MYO1D: variants seen among roughly 807,000 people sequenced by gnomAD.
MYO1D encodes unconventional myosin-Id.
Under a neutral mutation model 122.0 loss-of-function variants are expected in MYO1D, and 83 were observed. The observed-to-expected ratio is 0.68, with a 90% CI of 0.57 to 0.82. The LOEUF (loss-of-function observed/expected upper bound fraction) is 0.82, where lower values mean the gene tolerates loss of function less well. Among genes scored for constraint, MYO1D ranks in the 40% least tolerant of loss-of-function variants. The pLI, the probability that MYO1D is intolerant of heterozygous loss-of-function variation, is 0.00. For missense variants in MYO1D, 1,157 were observed against 1,269.5 expected (o/e 0.91, Z 1.35); for synonymous variants, 464 against 446.9 (o/e 1.04, Z -0.48).
intron 14 of MYO1D, among the ~76,000 whole-genome samples, chr17:32,731,689 A>G (rs1286996128): frequency 6.6e-6 from 1 of 152,248 alleles, no homozygotes; most frequent in Non-Finnish European, 1.5e-5. Flanking sequence ...AGCTGGCAGT[A>G]GCCAGGAACA....
chr17:32,521,657 A>G (rs1316255007), intron 21 of MYO1D, among the ~76,000 whole-genome samples: 1 of 152,210 alleles, frequency 6.6e-6, no homozygotes, highest in Non-Finnish European at 1.5e-5. Flanking sequence ...GATTAAATAA[A>G]TAAATCTCAG....
chr17:32,504,292 C>T (rs907464686), intron 21 of MYO1D, among the ~76,000 whole-genome samples: 1 of 152,214 alleles, frequency 6.6e-6, no homozygotes, highest in African/African-American at 2.4e-5. Context: ...GCCTGGGCTG[C>T]CCCTCCCCCA....
intron 15 of MYO1D, among the ~76,000 whole-genome samples, chr17:32,720,107 T>C (rs886661622): frequency 6.6e-6 from 1 of 152,002 alleles, no homozygotes; most frequent in Non-Finnish European, 1.5e-5. Flanking sequence ...TTATATTTAT[T>C]CATTTTTGGG....
intron 16 of MYO1D, among the ~76,000 whole-genome samples, chr17:32,680,969 T>C (rs2088906553): frequency 6.6e-6 from 1 of 152,190 alleles, no homozygotes; most frequent in African/African-American, 2.4e-5. Flanking sequence ...TTCTTCCTGG[T>C]TTAGTCTTGG....
intron 21 of MYO1D, among the ~76,000 whole-genome samples, chr17:32,544,281 T>G (rs970781405): frequency 2.0e-5 from 3 of 150,178 alleles, no homozygotes. Context: ...AAAAAAAATT[T>G]GTAGAGACAC....
In MYO1D at chr17:32,692,443, C is replaced by T. The variant is rs149810115; in HGVS notation, c.2121+19545G>A. ...TAAAGTTTCTTAGCTCAATGAAATA[C>T]GTGGCAAAATTACATACTTTAGAAA... On this transcript the variant is annotated intron_variant, in intron 16 of 21. Transcript: ENST00000318217. 1.1e-3 allele frequency among the ~76,000 whole-genome samples: 162 copies of T among 152,224 alleles called. 1 individual carries two copies. Among genetic ancestry groups the T allele is most frequent in the Middle Eastern group, 0.01 (3 of 294 alleles).
chr17:32,771,215 G>C lies in MYO1D; in HGVS notation c.624C>G (p.Leu208=). 1 of 1,601,132 alleles carries C rather than the reference G, an allele frequency of 6.2e-7. No homozygotes were observed. The highest frequency in any genetic ancestry group is 8.5e-7 in the Non-Finnish European group (1 of 1,169,764). ...ERSFHSFYQL[L]QGGSEQMLRS... is the part of the protein sequence containing the mutation. ...GTAGCATTTGTTCTGAACCTCCTTG[G>C]AGTAGCTGAAAAATATTTAATTAGA... The change falls in exon 6 of 22, where the codon CTC becomes CTG. Residue 208 remains leucine (L), a synonymous_variant. Transcript: ENST00000318217.
At chr17:32,733,615 A>G (rs2089665019) in intron 14 of MYO1D, among the ~76,000 whole-genome samples, 1 of 152,162 alleles carries the variant, frequency 6.6e-6, no homozygotes, top group Non-Finnish European at 1.5e-5. Context: ...AGAATTCCTT[A>G]TTAGATACCC....
At chr17:32,635,702 G>A (rs546966284) in intron 20 of MYO1D, among the ~76,000 whole-genome samples, 2 of 152,054 alleles carry the variant, frequency 1.3e-5, no homozygotes, top group African/African-American at 4.8e-5. Context: ...CGGGTGGCGG[G>A]GGGGTGGAAA....
intron 21 of MYO1D, among the ~76,000 whole-genome samples, chr17:32,590,189 C>T (rs1423589044): frequency 6.6e-6 from 1 of 152,192 alleles, no homozygotes; most frequent in Non-Finnish European, 1.5e-5. Flanking sequence ...TTTCCAGTCT[C>T]ATTTCTTGCT....
chr17:32,666,505 T>C (rs963748615), intron 16 of MYO1D, among the ~76,000 whole-genome samples: 3 of 152,258 alleles, frequency 2.0e-5, no homozygotes, highest in Non-Finnish European at 2.9e-5. Flanking sequence ...GCCATCTTAA[T>C]TCTACCATTT....
chr17:32,755,661 A>T lies in MYO1D; in HGVS notation c.1298T>A (p.Ile433Asn). 1 of 1,612,842 alleles carries T rather than the reference A, an allele frequency of 6.2e-7. No homozygotes were observed. Among genetic ancestry groups the T allele is most frequent in the Non-Finnish European group, 8.5e-7 (1 of 1,179,252 alleles). Residue 433 changes from isoleucine (I) to asparagine (N), a missense_variant and splice_region_variant, in exon 11 of 22, where the codon ATT becomes AAT. Coordinates refer to ENST00000318217, the MANE Select transcript of MYO1D (RefSeq NM_015194.3). ...YQREGIPWKH[I>N]DYFNNQIIVD... ...AATGATCTGATTGTTGAAGTAGTCA[A>T]TCTGTAGGACACAGCAAGGAGGGAA...
chr17:32,815,604 G>A (rs1435781479), intron 1 of MYO1D, among the ~76,000 whole-genome samples: 1 of 152,214 alleles, frequency 6.6e-6, no homozygotes, highest in African/African-American at 2.4e-5. Context: ...AATGAGAACA[G>A]GAGGCCTAAA....
chr17:32,683,499 A>G (rs1477727313), intron 16 of MYO1D, among the ~76,000 whole-genome samples: 2 of 151,752 alleles, frequency 1.3e-5, no homozygotes, highest in African/African-American at 2.4e-5. Context: ...GTCTGTTGGA[A>G]TACCCTGCCG....
intron 16 of MYO1D, among the ~76,000 whole-genome samples, chr17:32,671,009 T>C (rs2088710986): frequency 6.6e-6 from 1 of 152,140 alleles, no homozygotes; most frequent in Admixed American, 6.5e-5. Flanking sequence ...AGAGAAGCAG[T>C]GGTGGTCCTG....
At chr17:32,518,706 G>A (rs1228454946) in intron 21 of MYO1D, 1 of 152,230 alleles carries the variant, frequency 6.6e-6, no homozygotes, top group Non-Finnish European at 1.5e-5. Flanking sequence ...ACTGCCACTA[G>A]AGCTGCTATG....
intron 21 of MYO1D, among the ~76,000 whole-genome samples, chr17:32,582,497 A>G (rs1263606250): frequency 6.6e-6 from 1 of 152,150 alleles, no homozygotes; most frequent in East Asian, 1.9e-4. Flanking sequence ...TTGATTTCTA[A>G]TTATGTTTCA....
intron 21 of MYO1D, among the ~76,000 whole-genome samples, chr17:32,581,308 G>A (rs1002621925): frequency 2.6e-5 from 4 of 151,652 alleles, no homozygotes; most frequent in African/African-American, 9.7e-5. Flanking sequence ...GTTGATATTG[G>A]GAATTTGTGT....
chr17:32,569,608 G>A (rs225213), intron 21 of MYO1D, among the ~76,000 whole-genome samples: 64,204 of 152,012 alleles, frequency 0.42, 13,855 homozygotes, highest in East Asian at 0.52. Context: ...GCCCAGGAGT[G>A]TGAATTCCCT....
Sources: allele counts gnomAD v4.1 joint callset (sites outside exome capture counted in the v4.1 genomes callset), GRCh38; gene constraint gnomAD v4.1.1; transcripts MANE v1.5; gene names NCBI Gene and HGNC (gene_info 2026-07-23, HGNC 2026-07-21).